UGGT2: variants seen among roughly 807,000 people sequenced by gnomAD.
UGGT2 encodes the protein UDP-glucose:glycoprotein glucosyltransferase 2.
In UGGT2, 180 loss-of-function variants were observed where a neutral mutation model predicts 192.1. The ratio of observed to expected loss-of-function variants is 0.94; its 90% CI spans 0.83 to 1.06. The LOEUF is 1.06. Among genes scored for constraint, UGGT2 ranks in the 50% least tolerant of loss-of-function variants. The pLI, the probability that UGGT2 is intolerant of heterozygous loss-of-function variation, is 0.00. For synonymous variants in UGGT2, 580 were observed against 591.0 expected (o/e 0.98, Z 0.27); for missense variants, 1,849 against 1,795.7 (o/e 1.03, Z -0.54).
intron 20 of UGGT2, among the ~76,000 whole-genome samples, chr13:95,911,194 A>G (rs970051812): frequency 3.3e-5 from 5 of 152,220 alleles, no homozygotes; most frequent in African/African-American, 1.2e-4. Context: ...AAGCAAGAGC[A>G]AACACATTCA....
At chr13:96,046,364 C>T (rs574776360) in intron 1 of UGGT2, among the ~76,000 whole-genome samples, 8 of 152,272 alleles carry the variant, frequency 5.3e-5, no homozygotes, top group Admixed American at 1.3e-4. Flanking sequence ...AAATCTAAGA[C>T]CTGAAACTAT....
At chr13:95,812,228 T>C (rs867886227) in intron 38 of UGGT2, among the ~76,000 whole-genome samples, 1 of 152,162 alleles carries the variant, frequency 6.6e-6, no homozygotes, top group African/African-American at 2.4e-5. Flanking sequence ...TGGATATAAT[T>C]TTCATGTACC....
At chr13:95,825,887 C>G (rs912731330) in intron 38 of UGGT2, among the ~76,000 whole-genome samples, 1 of 152,174 alleles carries the variant, frequency 6.6e-6, no homozygotes. Context: ...GGTGCTCTTC[C>G]CCTTCTCCTA....
chr13:96,002,373 T>C (rs1858740523), intron 5 of UGGT2, among the ~76,000 whole-genome samples: 1 of 152,260 alleles, frequency 6.6e-6, no homozygotes, highest in Middle Eastern at 3.2e-3. Context: ...CTTTTATATT[T>C]ATCTTTTCTG....
intron 27 of UGGT2, among the ~76,000 whole-genome samples, 177 bp downstream of exon 27, chr13:95,884,314 G>C (rs548594749): frequency 2.0e-5 from 3 of 152,216 alleles, no homozygotes; most frequent in Admixed American, 2.0e-4. Flanking sequence ...GAGAAGCTGA[G>C]TTTGGAAATT....
chr13:95,845,874 G>A (rs1215024635), intron 36 of UGGT2, among the ~76,000 whole-genome samples: 2 of 151,252 alleles, frequency 1.3e-5, no homozygotes, highest in Admixed American at 1.3e-4. Context: ...ATGGGCGGCC[G>A]GGCAGAGACG....
intron 8 of UGGT2, among the ~76,000 whole-genome samples, chr13:95,989,274 T>C (rs572378535): frequency 1.3e-5 from 2 of 152,266 alleles, no homozygotes; most frequent in South Asian, 4.1e-4. Flanking sequence ...TAAAATAATC[T>C]ATATCATCTG....
chr13:95,983,799 C>A lies in UGGT2; in HGVS notation c.1092+5G>T. The A allele has an allele frequency of 6.5e-7, 1 of 1,547,870 alleles. No individual in the cohort carries two copies. The highest frequency in any genetic ancestry group is 1.2e-5 in the South Asian group (1 of 82,358). ...AAATGTTTTAAAAAAGGAATTCAAA[C>A]AAACCTTTTGATTTTCCTTTATTTC... is the stretch of plus-strand genomic sequence containing the variant. On this transcript the variant is annotated splice_donor_5th_base_variant and intron_variant, in intron 10 of 38. Transcript: ENST00000376747.
chr13:95,949,604 A>G (rs1396478682), intron 12 of UGGT2, 150 bp from the exon 13 acceptor site: 1 of 779,240 alleles, frequency 1.3e-6, no homozygotes, highest in South Asian at 4.8e-5. Flanking sequence ...TATTCTCTAA[A>G]TTAAGGAATA....
chr13:96,048,691 G>C (rs1304741485), intron 1 of UGGT2, among the ~76,000 whole-genome samples: 1 of 152,196 alleles, frequency 6.6e-6, no homozygotes, highest in African/African-American at 2.4e-5. Context: ...ACTACCATCA[G>C]AGAATACTAT....
chr13:95,815,272 C>T (rs1884771690), intron 38 of UGGT2, among the ~76,000 whole-genome samples: 1 of 152,100 alleles, frequency 6.6e-6, no homozygotes, highest in Admixed American at 6.5e-5. Flanking sequence ...AAAAGTAAAA[C>T]TATTTTTATT....
rs1311358030 is a variant in UGGT2 at position 95,859,571 on chromosome 13, A to G, written c.3825+20T>C. 2 of 1,566,540 alleles carry G rather than the reference A, an allele frequency of 1.3e-6. No homozygotes were observed. The highest frequency in any genetic ancestry group is 2.7e-5 in the African/African-American group (2 of 73,630). On this transcript the variant is annotated intron_variant, in intron 33 of 38. Transcript: ENST00000376747. ...ACTATTCAAACATTAACCATTCTACAAAAAAAGCTATGTACTTACTTTAAA... is the reference window on the plus strand; with the variant it reads ...ACTATTCAAACATTAACCATTCTACGAAAAAAGCTATGTACTTACTTTAAA...
intron 11 of UGGT2, among the ~76,000 whole-genome samples, chr13:95,970,788 T>C (rs544800299): frequency 2.6e-5 from 4 of 152,272 alleles, no homozygotes; most frequent in East Asian, 1.9e-4. Flanking sequence ...AATAACCCCA[T>C]TGACAACAAA....
intron 5 of UGGT2, among the ~76,000 whole-genome samples, chr13:96,003,030 T>C (rs1249871477): frequency 6.6e-6 from 1 of 152,132 alleles, no homozygotes; most frequent in African/African-American, 2.4e-5. Context: ...CGGTGCAACA[T>C]GAATGACGTG....
chr13:96,034,208 G>A (rs766307765), intron 1 of UGGT2, among the ~76,000 whole-genome samples: 5 of 152,108 alleles, frequency 3.3e-5, no homozygotes, highest in Non-Finnish European at 2.9e-5. Flanking sequence ...CCTGACTGCA[G>A]GTGGAAGGTG....
intron 10 of UGGT2, among the ~76,000 whole-genome samples, chr13:95,982,554 G>A (rs2051160552): frequency 6.6e-6 from 1 of 152,142 alleles, no homozygotes; most frequent in East Asian, 1.9e-4. Flanking sequence ...TGGGCCCTAT[G>A]TAAATCAGAC....
chr13:95,990,770 A>G (rs979226821), intron 7 of UGGT2: 3 of 152,170 alleles, frequency 2.0e-5, no homozygotes, highest in African/African-American at 7.2e-5. Context: ...ACATGTGTAG[A>G]ACGTGCAGGT....
chr13:95,805,129 C>A (rs1009022821), intron 38 of UGGT2, among the ~76,000 whole-genome samples: 1 of 152,018 alleles, frequency 6.6e-6, no homozygotes, highest in Admixed American at 6.6e-5. Context: ...GGACAAAGAA[C>A]TTGAATATAC....
chr13:96,023,888 GA>G, intron 2 of UGGT2, 129 bp from the exon 3 acceptor site: 21 of 668,740 alleles, frequency 3.1e-5, no homozygotes, highest in Non-Finnish European at 4.5e-5. Context: ...TAATGCTAGA[GA>G]AAAATGGAAA....
Sources: gnomAD v4.1 joint callset for allele counts (sites outside exome capture counted in the v4.1 genomes callset) on GRCh38, gnomAD v4.1.1 for gene constraint, MANE v1.5 for transcripts, NCBI Gene and HGNC (gene_info 2026-07-23, HGNC 2026-07-21) for gene names.